The following HIVEP3 variants were observed in gnomAD, a reference collection of about 807,000 sequenced individuals.
HIVEP3 encodes the protein transcription factor HIVEP3.
In HIVEP3, 49 loss-of-function variants were observed where a neutral mutation model predicts 152.8. The observed-to-expected ratio is 0.32, with a 90% CI of 0.26 to 0.41. HIVEP3 has a LOEUF of 0.41. Ranked by LOEUF, HIVEP3 falls within the 10% of genes least tolerant of loss-of-function variation. The pLI, the probability that HIVEP3 is intolerant of heterozygous loss-of-function variation, is 1.00. For synonymous variants in HIVEP3, 1,269 were observed against 1,289.0 expected (o/e 0.98, Z 0.33); for missense variants, 2,790 against 3,103.3 (o/e 0.90, Z 2.40).
chr1:41,555,116 G>A (rs1056435285), intron 5 of HIVEP3, among the ~76,000 whole-genome samples: 2 of 152,218 alleles, frequency 1.3e-5, no homozygotes, highest in Non-Finnish European at 1.5e-5. Flanking sequence ...ATCTACAGAG[G>A]CAACAGGCCT....
intron 5 of HIVEP3, chr1:41,544,312 G>A (rs1360161224): frequency 6.6e-6 from 1 of 151,902 alleles, no homozygotes; most frequent in Non-Finnish European, 1.5e-5. Flanking sequence ...CCAGTGAGGG[G>A]GGTTATGTCA....
chr1:41,525,869 A>G (rs1290172648), intron 5 of HIVEP3, among the ~76,000 whole-genome samples: 2 of 152,068 alleles, frequency 1.3e-5, no homozygotes, highest in Non-Finnish European at 1.5e-5. Flanking sequence ...GCGCCAGGAG[A>G]GGGGACCCTG....
chr1:41,578,201 C>A (rs1644354000), intron 4 of HIVEP3, among the ~76,000 whole-genome samples: 1 of 152,168 alleles, frequency 6.6e-6, no homozygotes, highest in Non-Finnish European at 1.5e-5. Context: ...GATATTGCAC[C>A]CTAACTTTCA....
intron 1 of HIVEP3, among the ~76,000 whole-genome samples, chr1:41,948,044 A>G (rs1007357267): frequency 3.3e-5 from 5 of 152,264 alleles, no homozygotes; most frequent in African/African-American, 1.2e-4. Context: ...AAGAAAGGAA[A>G]GAACATAACT....
At chr1:41,752,584 G>A (rs1647183998) in intron 1 of HIVEP3, among the ~76,000 whole-genome samples, 1 of 152,220 alleles carries the variant, frequency 6.6e-6, no homozygotes, top group African/African-American at 2.4e-5. Context: ...AGTTCTCAAA[G>A]TATGGTTCCT....
chr1:41,629,260 G>A (rs1388554523), intron 2 of HIVEP3, among the ~76,000 whole-genome samples: 3 of 152,124 alleles, frequency 2.0e-5, no homozygotes, highest in Admixed American at 2.0e-4. Context: ...TATGTTACAG[G>A]GCACAACTGA....
At chr1:41,767,416 A>G (rs1648081967) in intron 1 of HIVEP3, among the ~76,000 whole-genome samples, 1 of 152,100 alleles carries the variant, frequency 6.6e-6, no homozygotes, top group Admixed American at 6.5e-5. Flanking sequence ...TCCTTTAGGG[A>G]CATGCACAGA....
At chr1:41,737,715 T>G (rs544289830) in intron 1 of HIVEP3, among the ~76,000 whole-genome samples, 1 of 152,230 alleles carries the variant, frequency 6.6e-6, no homozygotes, top group Non-Finnish European at 1.5e-5. Flanking sequence ...GAACTCAGTC[T>G]GGCACTTTAT....
At chr1:41,993,665 A>T (rs1221881388) in intron 1 of HIVEP3, among the ~76,000 whole-genome samples, 2 of 152,110 alleles carry the variant, frequency 1.3e-5, no homozygotes, top group East Asian at 1.9e-4. Flanking sequence ...TACCCAAAGG[A>T]CTATAAATCA....
intron 1 of HIVEP3, among the ~76,000 whole-genome samples, chr1:41,990,256 C>G (rs1645352133): frequency 2.2e-5 from 3 of 138,936 alleles, no homozygotes; most frequent in African/African-American, 8.1e-5. Flanking sequence ...GGCCCCCACT[C>G]TCTTCTGGCT....
intron 2 of HIVEP3, among the ~76,000 whole-genome samples, chr1:41,682,105 T>C (rs890286066): frequency 2.7e-5 from 4 of 150,840 alleles, no homozygotes; most frequent in Admixed American, 6.6e-5. Context: ...TGTGGTCTCT[T>C]TCTCTCTCTC....
At chr1:41,520,544 G>A (rs139825856) in intron 6 of HIVEP3, among the ~76,000 whole-genome samples, 2 of 152,212 alleles carry the variant, frequency 1.3e-5, no homozygotes, top group East Asian at 1.9e-4. Flanking sequence ...GGTCTTCCGC[G>A]GATCAGAGAT....
In HIVEP3 at chr1:41,561,747, T is replaced by TGGTCTCCCAAAGTGCTGG. The variant is rs1553227633; in HGVS notation, c.5207+13796_5207+13797insCCAGCACTTTGGGAGACC. ...CCAGGCTGGTCTCAAACTCCTGCCA[T>TGGTCTCCCAAAGTGCTGG]GATCTCCCAAAGTGCTGGGATTACA... is the stretch of plus-strand genomic sequence containing the variant. On this transcript the variant is annotated intron_variant, in intron 5 of 8. Coordinates refer to ENST00000372583, the MANE Select transcript of HIVEP3 (RefSeq NM_024503.5). Among the ~76,000 whole-genome samples the TGGTCTCCCAAAGTGCTGG allele has an allele frequency of 2.0e-5, 3 of 151,644 alleles. No individual in the cohort carries two copies. In the South Asian group the frequency reaches 6.2e-4, roughly 32 times the overall value.
chr1:41,516,181 G>GGCGGCCCCTTCCCAGGGCCCTTGCTGGA (rs11270500), intron 7 of HIVEP3, among the ~76,000 whole-genome samples: 8 of 151,538 alleles, frequency 5.3e-5, no homozygotes, highest in African/African-American at 1.9e-4. Flanking sequence ...CCCCTGGCTG[G>GGCGGCCCCTTCCCAGGGCCCTTGCTGGA]GCGGCCCCGC....
upstream of HIVEP3, among the ~76,000 whole-genome samples, chr1:41,923,848 G>A (rs1644953488): frequency 6.6e-6 from 1 of 151,910 alleles, no homozygotes; most frequent in African/African-American, 2.4e-5. Flanking sequence ...ATTCCACAAG[G>A]GAAAGATAGG....
intron 1 of HIVEP3, among the ~76,000 whole-genome samples, chr1:41,790,307 C>G (rs1374546118): frequency 6.6e-6 from 1 of 152,164 alleles, no homozygotes; most frequent in Non-Finnish European, 1.5e-5. Context: ...CATGGGATCT[C>G]TGAACATGCC....
chr1:41,718,930 TG>T (rs1359705282), intron 1 of HIVEP3, among the ~76,000 whole-genome samples: 1 of 152,234 alleles, frequency 6.6e-6, no homozygotes, highest in Non-Finnish European at 1.5e-5. Flanking sequence ...TCAAGGTACA[TG>T]TTTTAACCCT....
At chr1:41,973,831 G>C (rs1460954198) in intron 1 of HIVEP3, among the ~76,000 whole-genome samples, 1 of 152,204 alleles carries the variant, frequency 6.6e-6, no homozygotes, top group African/African-American at 2.4e-5. Context: ...CCCTGAGAAA[G>C]AGCATCCAAG....
intron 1 of HIVEP3, among the ~76,000 whole-genome samples, chr1:41,942,188 A>T (rs558530850): frequency 6.6e-6 from 1 of 152,262 alleles, no homozygotes; most frequent in African/African-American, 2.4e-5. Flanking sequence ...CTTTATGTGG[A>T]TGTACGATGT....
Sources: gnomAD v4.1 joint callset for allele counts (sites outside exome capture counted in the v4.1 genomes callset) on GRCh38, gnomAD v4.1.1 for gene constraint, MANE v1.5 for transcripts, NCBI Gene and HGNC (gene_info 2026-07-23, HGNC 2026-07-21) for gene names.